Variants in RELA observed in about 807,000 individuals in gnomAD.
RELA encodes the protein RELA proto-oncogene, NF-kB subunit, also known as transcription factor p65.
In RELA, 14 loss-of-function variants were observed where a neutral mutation model predicts 56.7. The observed-to-expected ratio is 0.25, with a 90% CI of 0.16 to 0.39. RELA has a LOEUF of 0.39. Ranked by LOEUF, RELA falls within the 10% of genes least tolerant of loss-of-function variation. The pLI is 1.00. For synonymous variants in RELA, 315 were observed against 289.7 expected, an observed-to-expected ratio of 1.09 and a Z score of -0.89; for missense variants, 559 against 736.4, an observed-to-expected ratio of 0.76 and a Z score of 2.79.
chr11:65,662,148 C>A, intron 2 of RELA, 31 bp downstream of exon 2: 1 of 1,591,838 alleles, frequency 6.3e-7, no homozygotes, highest in African/African-American at 1.4e-5. Context: ...CCCCAGGGAG[C>A]ACCTCCCCGA....
At position 65,658,919 on chromosome 11, in the gene RELA, G is replaced by C; in HGVS notation, c.560-97C>G. 1 of 1,017,088 alleles carries C rather than the reference G, an allele frequency of 9.8e-7. No homozygotes were observed. Among genetic ancestry groups the C allele is most frequent in the South Asian group, 1.3e-5 (1 of 77,846 alleles). 63.0% of individuals were successfully genotyped at this position (1,017,088 alleles called of 1,614,324 possible). A position where few individuals can be genotyped will look rare whatever the true frequency, so the allele number is the denominator to read the frequency against. ...ACTTCCCTGCCCAGCCCAGAGTCAA[G>C]GTTGCCCAGAGCTTGCCACCTACAC... is the stretch of plus-strand genomic sequence containing the variant. On this transcript the variant is annotated intron_variant, in intron 6 of 10. Coordinates refer to ENST00000406246, the MANE Select transcript of RELA (RefSeq NM_021975.4). This position sits in a 1 kb window ranked among gnomAD's most constrained non-coding sequence, Gnocchi z 4.5.
chr11:65,659,938 A>G, intron 5 of RELA, 141 bp from the exon 6 acceptor site: 2 of 1,237,444 alleles, frequency 1.6e-6, no homozygotes, highest in South Asian at 2.8e-5. Context: ...CCCAGCACTG[A>G]CTCCACTGTG....
chr11:65,654,828 A>G lies in RELA; in HGVS notation c.1206T>C (p.Ala402=). The change falls in exon 11 of 11, where the codon GCT becomes GCC. Residue 402 remains alanine (A), a synonymous_variant. Coordinates refer to ENST00000406246, the MANE Select transcript of RELA (RefSeq NM_021975.4). The stretch of plus-strand genomic sequence containing the variant: ...GGACAGGGGCTGGGGCCTGGGCCAG[A>G]GCTGATACCATGGCTGGAGCAGGGG... The part of the protein sequence containing the change: ...APAPAPAMVS[A]LAQAPAPVPV... The G allele has an allele frequency of 3.2e-6, 5 of 1,545,668 alleles. No homozygotes were observed. Among genetic ancestry groups the G allele is most frequent in the South Asian group, 1.2e-5 (1 of 83,636 alleles).
intron 10 of RELA, 108 bp downstream of exon 10, chr11:65,655,580 C>T (rs553983863): frequency 1.8e-6 from 2 of 1,098,964 alleles, no homozygotes; most frequent in African/African-American, 3.1e-5. Flanking sequence ...CTTTCAAAGC[C>T]TCTGATTCAG....
Position 65,655,714 on chromosome 11 carries a change from C to T in RELA, c.1007G>A (p.Arg336His), listed in dbSNP as rs1246637051. ...TGGCTTGGGGACAGAAGCTGAGCTG[C>T]GGGAAGGCACAGCAATGCGTCGAGG... is the stretch of plus-strand genomic sequence containing the variant. ...PPPRRIAVPSRSSASVPKPAP... is the reference protein window; with the variant it reads ...PPPRRIAVPSHSSASVPKPAP... The change falls in exon 10 of 11, where the codon CGC becomes CAC. Residue 336 changes from arginine to histidine, a missense_variant. Physicochemically the swap from Arg to His is conservative, Grantham distance 29. This residue lies in a region of RELA where 365 missense variants were observed against 387.5 expected (regional missense o/e 0.94). Transcript: ENST00000406246. 1.4e-5 allele frequency: 23 copies of T among 1,613,834 alleles called. No individual in the cohort carries two copies. The highest frequency in any genetic ancestry group is 1.7e-5 in the Non-Finnish European group (20 of 1,179,962).
intron 10 of RELA, chr11:65,655,459 A>G: frequency 1.7e-6 from 1 of 592,830 alleles, no homozygotes; most frequent in Non-Finnish European, 3.0e-6. Flanking sequence ...GAGATTCTGC[A>G]TTTTTAACTT....
intron 5 of RELA, 86 bp downstream of exon 5, chr11:65,660,038 T>A (rs1200716797): frequency 3.7e-6 from 5 of 1,350,448 alleles, no homozygotes; most frequent in Non-Finnish European, 4.2e-6. Flanking sequence ...AGCTTTACTG[T>A]GTCTTGGCCA....
Position 65,662,886 on chromosome 11 carries a change from T to C in RELA, c.-54A>G, listed in dbSNP as rs1322824201. ...TCGCAGCTGGGCCCGCGGCGTGCAC[T>C]ACAGACGAGCCATTCGCCAGAGGCG... On this transcript the variant is annotated 5_prime_UTR_variant, in exon 1 of 11. An upstream open reading frame in the 5' UTR loses its in-frame stop. Coordinates refer to ENST00000406246, the MANE Select transcript of RELA (RefSeq NM_021975.4). The C allele has an allele frequency of 8.5e-7, 1 of 1,177,924 alleles. No individual in the cohort carries two copies. 73.0% of individuals were successfully genotyped at this position (1,177,924 alleles called of 1,614,324 possible).
At position 65,654,282 on chromosome 11, in the gene RELA, G is replaced by A; in HGVS notation, c.*96C>T. The A allele has an allele frequency of 6.7e-7, 1 of 1,489,108 alleles. No homozygotes were observed. The highest frequency in any genetic ancestry group is 1.2e-5 in the South Asian group (1 of 86,720). The allele number at this position is 1,489,108 out of a possible 1,614,324, so 92.2% of individuals were successfully genotyped here. On this transcript the variant is annotated 3_prime_UTR_variant, in exon 11 of 11. Coordinates refer to ENST00000406246, the MANE Select transcript of RELA (RefSeq NM_021975.4). ...CAAGGAAGACATCCACAAAGTTGGG[G>A]GCAGTTGGAACACACCCCACCAGAA...
rs767155175 is a variant in RELA, at chr11:65,655,855, C to T, written c.958G>A (p.Gly320Arg). 17 of 1,613,918 alleles carry T rather than the reference C, an allele frequency of 1.1e-5. No individual in the cohort carries two copies. Among genetic ancestry groups the T allele is most frequent in the South Asian group, 2.2e-5 (2 of 91,076 alleles). The change falls in exon 9 of 11, where the codon GGA becomes AGA. Residue 320 changes from glycine to arginine, a missense_variant and splice_region_variant. Transcript: ENST00000406246. ...CTGGCTTTCCCAGTCCCCATCTCACCGCTGAAAGGACTCTTCTTCATGATG... is the reference window on the plus strand; with the variant it reads ...CTGGCTTTCCCAGTCCCCATCTCACTGCTGAAAGGACTCTTCTTCATGATG... ...KSIMKKSPFS[G>R]PTDPRPPPRR...
chr11:65,662,639 C>T, intron 1 of RELA, 187 bp downstream of exon 1: 1 of 395,640 alleles, frequency 2.5e-6, no homozygotes, highest in East Asian at 4.2e-5. Context: ...CCACCCCCTC[C>T]ACCCAGAGGG....
At chr11:65,655,632 C>A (rs576183290) in intron 10 of RELA, 56 bp downstream of exon 10, 12 of 1,528,596 alleles carry the variant, frequency 7.9e-6, no homozygotes, top group Non-Finnish European at 9.1e-6. Context: ...CTCCACTGCT[C>A]CTCAGCTGAA....
intron 8 of RELA, among the ~76,000 whole-genome samples, chr11:65,657,494 A>G (rs1856460307): frequency 1.3e-5 from 2 of 152,206 alleles, no homozygotes; most frequent in Non-Finnish European, 2.9e-5. Flanking sequence ...CCTTCAGCTT[A>G]ACCAGGCCCT....
At position 65,655,913 on chromosome 11, in the gene RELA, C is replaced by G; in HGVS notation, c.900G>C (p.Glu300Asp). The G allele has an allele frequency of 6.2e-7, 1 of 1,614,124 alleles. No individual in the cohort carries two copies. Among genetic ancestry groups the G allele is most frequent in the Non-Finnish European group, 8.5e-7 (1 of 1,180,010 alleles). The change falls in exon 9 of 11, where the codon GAG becomes GAC. Residue 300 changes from glutamate (E) to aspartate (D), a missense_variant. By Grantham distance (45) the Glu-to-Asp change is conservative. Transcript: ENST00000406246. ...AGGTCTCATATGTCCTTTTACGTTT[C>G]TCCTCAATCCGGTGACGATCGTCTG... The part of the protein sequence containing the change: ...PDTDDRHRIE[E>D]KRKRTYETFK...
At chr11:65,656,218 C>T (rs911613995) in intron 8 of RELA, among the ~76,000 whole-genome samples, 10 of 152,348 alleles carry the variant, frequency 6.6e-5, no homozygotes, top group African/African-American at 2.2e-4. Context: ...CCCCAGCCTC[C>T]AGCTCACACC....
At chr11:65,659,993 A>G in intron 5 of RELA, 131 bp downstream of exon 5, 1 of 1,154,592 alleles carries the variant, frequency 8.7e-7, no homozygotes, top group Non-Finnish European at 1.3e-6. Context: ...TCCCAGTGGT[A>G]AAGTGGGAGA....
rs755403114 is a variant in RELA at position 65,658,803 on chromosome 11, C to T, written c.579G>A (p.Glu193=). 1.2e-6 allele frequency: 2 copies of T among 1,613,960 alleles called. No homozygotes were observed. The highest frequency in any genetic ancestry group is 1.7e-6 in the Non-Finnish European group (2 of 1,179,982). ...TTCGGTTCACTCGGCAGATCTTGAG[C>T]TCGGCAGTGTTGGGGGCACCTGAGG... ...IFDNRAPNTA[E]LKICRVNRNS... Residue 193 remains glutamate (E), a synonymous_variant, in exon 7 of 11, where the codon GAG becomes GAA. Coordinates refer to ENST00000406246, the MANE Select transcript of RELA (RefSeq NM_021975.4). This position sits in a 1 kb window ranked among gnomAD's most constrained non-coding sequence, Gnocchi z 4.5.
In RELA at chr11:65,658,281, G is replaced by A; in HGVS notation, c.877+6C>T. 6.3e-7 allele frequency: 1 copy of A among 1,579,376 alleles called. No individual in the cohort carries two copies. The highest frequency in any genetic ancestry group is 2.3e-5 in the East Asian group (1 of 43,886). On this transcript the variant is annotated splice_donor_region_variant and intron_variant, in intron 8 of 10. Coordinates refer to ENST00000406246, the MANE Select transcript of RELA (RefSeq NM_021975.4). The surrounding 1 kb of genome is among the most constrained non-coding windows in gnomAD (Gnocchi z 4.5). ...CTGCCCTGATGCTGCCACCCCAGCT[G>A]TGTACCTGTATCTGGCAGGTACTGG...
intron 4 of RELA, 194 bp from the exon 5 acceptor site, chr11:65,660,409 C>T (rs1590937876): frequency 1.7e-6 from 1 of 603,356 alleles, no homozygotes; most frequent in Middle Eastern, 4.1e-4. Flanking sequence ...TGCCCCTGCC[C>T]CTGCCAGCCT....
Sources: allele counts gnomAD v4.1 joint callset (sites outside exome capture counted in the v4.1 genomes callset), GRCh38; gene constraint gnomAD v4.1.1; regional missense constraint gnomAD v4.1.1; non-coding constraint Gnocchi (gnomAD v3.1); transcripts MANE v1.5; gene names NCBI Gene and HGNC (gene_info 2026-07-23, HGNC 2026-07-21).